Variants in MED24 observed in about 807,000 individuals in gnomAD.
The protein encoded by MED24 is mediator of RNA polymerase II transcription subunit 24.
In MED24, 74 loss-of-function variants were observed where a neutral mutation model predicts 118.8. The ratio of observed to expected loss-of-function variants is 0.62; its 90% confidence interval spans 0.52 to 0.76. The LOEUF is 0.76. Among genes scored for constraint, MED24 ranks in the 30% least tolerant of loss-of-function variants. The pLI is 0.00. For missense variants in MED24, 1,041 were observed against 1,278.9 expected, an observed-to-expected ratio of 0.81 and a Z score of 2.84; for synonymous variants, 521 against 523.9, an observed-to-expected ratio of 0.99 and a Z score of 0.08.
At chr17:40,041,772 T>G (rs1235384718) in intron 3 of MED24, among the ~76,000 whole-genome samples, 1 of 152,200 alleles carries the variant, frequency 6.6e-6, no homozygotes, top group Non-Finnish European at 1.5e-5. Context: ...TGCCACTTCC[T>G]AAACTGTTCT....
At chr17:40,041,835 T>A (rs1430835452) in intron 3 of MED24, among the ~76,000 whole-genome samples, 5 of 152,204 alleles carry the variant, frequency 3.3e-5, no homozygotes, top group Middle Eastern at 6.3e-3. Context: ...CTAGTATCAT[T>A]TCTCGCCTGA....
chr17:40,027,540 G>T, intron 15 of MED24, 75 bp from the exon 16 acceptor site: 1 of 1,436,662 alleles, frequency 7.0e-7, no homozygotes, highest in South Asian at 1.2e-5. Context: ...CAGGGATCGG[G>T]ATTTGCCTCT....
intron 6 of MED24, 130 bp downstream of exon 6, chr17:40,034,987 A>C: frequency 6.2e-7 from 1 of 1,611,006 alleles, no homozygotes; most frequent in Non-Finnish European, 8.5e-7. Flanking sequence ...TGGGGAGAAA[A>C]AAAAGGAAGT....
In MED24 at chr17:40,040,223, C is replaced by T. The variant is rs1317427749; in HGVS notation, c.214-4069G>A. 2.6e-5 allele frequency among the ~76,000 whole-genome samples: 4 copies of T among 151,960 alleles called. No homozygotes were observed. In the East Asian group the frequency reaches 5.8e-4, roughly 22 times the overall value. ...CCTCCCGAGTAGCTGGGACTACAGGCACGCGCCACCATGCCCGGCTAATTT... is the reference window on the plus strand; with the variant it reads ...CCTCCCGAGTAGCTGGGACTACAGGTACGCGCCACCATGCCCGGCTAATTT... On this transcript the variant is annotated intron_variant, in intron 3 of 25. Coordinates refer to ENST00000394128, the MANE Select transcript of MED24 (RefSeq NM_014815.4).
intron 5 of MED24, 60 bp downstream of exon 5, chr17:40,035,662 C>T: frequency 6.4e-7 from 1 of 1,562,814 alleles, no homozygotes; most frequent in Non-Finnish European, 8.8e-7. Flanking sequence ...AGGAGCTGCA[C>T]CTCTGCACAA....
intron 3 of MED24, among the ~76,000 whole-genome samples, chr17:40,051,331 G>A (rs781180888): frequency 7.9e-5 from 12 of 151,048 alleles, no homozygotes; most frequent in Admixed American, 6.6e-5. Context: ...AATAAGGCTG[G>A]GCGGCCGGGC....
Position 40,029,003 on chromosome 17 carries a change from C to G in MED24, c.1267-35G>C, listed in dbSNP as rs372968699. The G allele has an allele frequency of 4.3e-6, 7 of 1,613,728 alleles. No homozygotes were observed. In the African/African-American group the frequency reaches 9.3e-5, roughly 22 times the overall value. ...GGACAGGAAATCAAGTCCTGAAGAA[C>G]ACTGAAGACCCCCCACCCAAGATAC... On this transcript the variant is annotated intron_variant, in intron 13 of 25. Transcript: ENST00000394128.
chr17:40,051,648 C>T (rs1242467086), intron 3 of MED24, among the ~76,000 whole-genome samples: 1 of 151,848 alleles, frequency 6.6e-6, no homozygotes. Context: ...TAAGGCTGGG[C>T]GTGGTGGCTC....
intron 3 of MED24, among the ~76,000 whole-genome samples, chr17:40,037,685 G>A (rs1208295616): frequency 6.6e-6 from 1 of 152,164 alleles, no homozygotes; most frequent in African/African-American, 2.4e-5. Context: ...GCCAAGGCGG[G>A]AGGATCATGA....
intron 16 of MED24, 50 bp downstream of exon 16, chr17:40,027,333 G>T: frequency 1.3e-6 from 2 of 1,565,302 alleles, no homozygotes; most frequent in Non-Finnish European, 8.7e-7. Context: ...GGAGAGTTCC[G>T]GGTTACCTCC....
rs371196849 is a variant in MED24 at position 40,019,203 on chromosome 17, C to CACACACATAT, written c.*325_*326insATATGTGTGT. The CACACACATAT allele has an allele frequency of 2.4e-4, 72 of 302,364 alleles. No individual in the cohort carries two copies. Among genetic ancestry groups the CACACACATAT allele is most frequent in the African/African-American group, 1.1e-3 (48 of 45,398 alleles). The allele number at this position is 302,364 out of a possible 1,614,324, so 18.7% of individuals were successfully genotyped here. ...ACACACACACACACACACACACACA[C>CACACACATAT]ATACACACTTTGCATCTAGAAAGTT... On this transcript the variant is annotated 3_prime_UTR_variant, in exon 26 of 26. Transcript: ENST00000394128.
chr17:40,031,701 C>A, intron 10 of MED24, 81 bp from the exon 11 acceptor site: 2 of 1,367,900 alleles, frequency 1.5e-6, no homozygotes, highest in Non-Finnish European at 2.1e-6. Context: ...CTGCTGGAGG[C>A]ATCGGCCTGA....
chr17:40,034,946 G>A, intron 6 of MED24, 171 bp downstream of exon 6: 10 of 1,572,246 alleles, frequency 6.4e-6, no homozygotes, highest in Non-Finnish European at 8.6e-6. Context: ...GTGCCACCCT[G>A]CCCAAGTCCC....
At chr17:40,049,695 T>C (rs1362396238) in intron 3 of MED24, among the ~76,000 whole-genome samples, 2 of 151,706 alleles carry the variant, frequency 1.3e-5, no homozygotes, top group African/African-American at 2.4e-5. Flanking sequence ...CCCAGCTAAT[T>C]TTTGTATTTT....
intron 9 of MED24, chr17:40,032,340 A>G (rs976614960): frequency 1.9e-5 from 11 of 579,040 alleles, no homozygotes; most frequent in African/African-American, 1.9e-4. Flanking sequence ...TGCCATAAGC[A>G]AAAGTGGATC....
chr17:40,039,410 C>G (rs1256092384), intron 3 of MED24, among the ~76,000 whole-genome samples: 1 of 152,196 alleles, frequency 6.6e-6, no homozygotes, highest in Non-Finnish European at 1.5e-5. Context: ...TGCAGCTGCT[C>G]TCAAATCCTC....
chr17:40,025,526 C>T (rs1379152180), intron 19 of MED24, among the ~76,000 whole-genome samples: 1 of 152,020 alleles, frequency 6.6e-6, no homozygotes, highest in Non-Finnish European at 1.5e-5. Flanking sequence ...TTACCAGGAG[C>T]TGGAGGGAGG....
chr17:40,038,732 G>A (rs1984231171), intron 3 of MED24, among the ~76,000 whole-genome samples: 1 of 151,282 alleles, frequency 6.6e-6, no homozygotes, highest in Non-Finnish European at 1.5e-5. Context: ...AAAAAGGAGA[G>A]GAAGAAAGCC....
rs763500133 is a variant in MED24, at chr17:40,032,652, G to A, written c.933C>T (p.Leu311=). The change falls in exon 9 of 26, where the codon CTC becomes CTT. Residue 311 remains leucine (L), a synonymous_variant. Transcript: ENST00000394128. ...GCCCCTCCCACGTCCCCAGTACCTT[G>A]AGGAAAGTGAAAGCTGTCCACTTGA... ...EELKWTAFTF[L]KIPQVLVKLK... The A allele has an allele frequency of 1.9e-6, 3 of 1,611,480 alleles. No homozygotes were observed. The highest frequency in any genetic ancestry group is 1.1e-5 in the South Asian group (1 of 90,990).
Sources: allele counts gnomAD v4.1 joint callset (sites outside exome capture counted in the v4.1 genomes callset), GRCh38; gene constraint gnomAD v4.1.1; transcripts MANE v1.5; gene names NCBI Gene and HGNC (gene_info 2026-07-23, HGNC 2026-07-21).